Variants in AKAP12 observed in about 807,000 individuals in gnomAD.
The protein encoded by AKAP12 is A-kinase anchoring protein 12.
A neutral mutation model predicts 79.9 loss-of-function variants in AKAP12; 32 were observed. The ratio of observed to expected loss-of-function variants is 0.40; its 90% CI spans 0.30 to 0.54. AKAP12 has a LOEUF of 0.54. Ranked by LOEUF, AKAP12 falls within the 20% of genes least tolerant of loss-of-function variation. The pLI is 0.48. For synonymous variants in AKAP12, 808 were observed against 857.0 expected (o/e 0.94, Z 1.00); for missense variants, 2,074 against 2,177.0 (o/e 0.95, Z 0.94).
chr6:151,263,194 C>A (rs192840916), intron 2 of AKAP12, among the ~76,000 whole-genome samples: 2 of 152,258 alleles, frequency 1.3e-5, no homozygotes, highest in African/African-American at 4.8e-5. Context: ...TACCACCATG[C>A]CTGGCTAATT....
chr6:151,240,859 G>A, intron 2 of AKAP12, 135 bp downstream of exon 2: 1 of 868,868 alleles, frequency 1.2e-6, no homozygotes, highest in Non-Finnish European at 1.5e-6. Flanking sequence ...TCAGGAGTGC[G>A]AACCCCTCTT....
intron 2 of AKAP12, among the ~76,000 whole-genome samples, chr6:151,292,905 T>C (rs1555104): frequency 0.95 from 144,940 of 152,340 alleles, 68,965 homozygotes; most frequent in East Asian, 1. Flanking sequence ...GACAGTTGTG[T>C]AGTGTTTAGC....
chr6:151,284,936 AATG>A (rs1029706942), intron 2 of AKAP12, among the ~76,000 whole-genome samples: 2 of 152,206 alleles, frequency 1.3e-5, no homozygotes, highest in African/African-American at 4.8e-5. Flanking sequence ...GCTTTTGCAA[AATG>A]ATGAACATTC....
At chr6:151,307,861 T>A (rs1451420009) in intron 3 of AKAP12, among the ~76,000 whole-genome samples, 1 of 152,110 alleles carries the variant, frequency 6.6e-6, no homozygotes, top group Non-Finnish European at 1.5e-5. Context: ...GTGGTGATTT[T>A]TATTTTTTAT....
intron 3 of AKAP12, among the ~76,000 whole-genome samples, chr6:151,327,567 C>T (rs958347425): frequency 6.6e-6 from 1 of 152,064 alleles, no homozygotes; most frequent in African/African-American, 2.4e-5. Context: ...ATTATATTCA[C>T]TATTCAATTA....
At chr6:151,340,166 C>T (rs1201737416) in intron 3 of AKAP12, among the ~76,000 whole-genome samples, 2 of 151,556 alleles carry the variant, frequency 1.3e-5, no homozygotes, top group Non-Finnish European at 2.9e-5. Context: ...AACTCATGAT[C>T]TCATGATCCA....
At chr6:151,270,758 T>A (rs891252440) in intron 2 of AKAP12, among the ~76,000 whole-genome samples, 1 of 152,182 alleles carries the variant, frequency 6.6e-6, no homozygotes, top group Non-Finnish European at 1.5e-5. Flanking sequence ...GGTTTTGATG[T>A]GCATTTCCCT....
chr6:151,241,033 T>C (rs1373649833), intron 2 of AKAP12, among the ~76,000 whole-genome samples: 1 of 152,092 alleles, frequency 6.6e-6, no homozygotes, highest in East Asian at 1.9e-4. Context: ...CTGCGCACTC[T>C]TCCGGTGGGA....
intron 3 of AKAP12, among the ~76,000 whole-genome samples, chr6:151,317,243 A>T (rs892825091): frequency 1.3e-5 from 2 of 152,164 alleles, no homozygotes; most frequent in Admixed American, 1.3e-4. Context: ...TTTTCTCCAT[A>T]AAAGGAAGCC....
intron 2 of AKAP12, among the ~76,000 whole-genome samples, chr6:151,283,402 C>A (rs1776443835): frequency 6.6e-6 from 1 of 152,158 alleles, no homozygotes; most frequent in Admixed American, 6.5e-5. Flanking sequence ...AACGAGGATG[C>A]TAATTCTTTG....
chr6:151,258,774 G>A (rs1405969366), intron 2 of AKAP12, among the ~76,000 whole-genome samples: 1 of 151,422 alleles, frequency 6.6e-6, no homozygotes, highest in East Asian at 2.0e-4. Context: ...GCTTACAGGT[G>A]TGTGCTGCTA....
intron 2 of AKAP12, among the ~76,000 whole-genome samples, chr6:151,256,769 C>T (rs974775178): frequency 2.3e-4 from 35 of 151,878 alleles, no homozygotes; most frequent in Non-Finnish European, 4.0e-4. Flanking sequence ...CCTGCCTCAT[C>T]CTTTCAAGTA....
chr6:151,312,875 G>A (rs1184071084), intron 3 of AKAP12, among the ~76,000 whole-genome samples: 1 of 152,022 alleles, frequency 6.6e-6, no homozygotes, highest in Non-Finnish European at 1.5e-5. Flanking sequence ...CAGGAGATGG[G>A]GTGAGGGGGG....
chr6:151,344,158 G>A (rs1204127242), intron 3 of AKAP12, among the ~76,000 whole-genome samples: 1 of 152,116 alleles, frequency 6.6e-6, no homozygotes. Flanking sequence ...TGAGATTCTT[G>A]GGTTTTTCTT....
At chr6:151,290,193 TC>T (rs777268091) in intron 2 of AKAP12, among the ~76,000 whole-genome samples, 1 of 152,154 alleles carries the variant, frequency 6.6e-6, no homozygotes, top group Non-Finnish European at 1.5e-5. Flanking sequence ...GAATTCCTTC[TC>T]CACTGAATTC....
At chr6:151,299,074 T>G (rs573538113) in intron 2 of AKAP12, 1 of 152,336 alleles carries the variant, frequency 6.6e-6, no homozygotes, top group East Asian at 1.9e-4. Context: ...GGGTACATAA[T>G]GCATAGGATA....
intron 2 of AKAP12, among the ~76,000 whole-genome samples, chr6:151,264,119 TAAAAG>T (rs1562712425): frequency 6.6e-6 from 1 of 151,842 alleles, no homozygotes; most frequent in Non-Finnish European, 1.5e-5. Context: ...AGGGATTGAA[TAAAAG>T]AAAGGAAGAG....
At chr6:151,255,969 T>A (rs1420336288) in intron 2 of AKAP12, among the ~76,000 whole-genome samples, 1 of 103,552 alleles carries the variant, frequency 9.7e-6, no homozygotes, top group East Asian at 2.8e-4. Context: ...CAGCCATTTG[T>A]GGACTTAAAC....
In AKAP12 at chr6:151,351,751, T is replaced by A; in HGVS notation, c.3360T>A (p.Phe1120Leu). ...KVVGQTTPES[F>L]EKAPQVTESI... ...TGGGGCAGACCACCCCAGAAAGCTT[T>A]GAAAAAGCTCCTCAAGTCACAGAGA... Residue 1120 changes from phenylalanine (F) to leucine (L), a missense_variant, in exon 4 of 5, where the codon TTT becomes TTA. Transcript: ENST00000402676. This position sits in a 1 kb window ranked among gnomAD's most constrained non-coding sequence, Gnocchi z 4.4. 1 of 1,614,074 alleles carries A rather than the reference T, an allele frequency of 6.2e-7. No individual in the cohort carries two copies. Among genetic ancestry groups the A allele is most frequent in the Non-Finnish European group, 8.5e-7 (1 of 1,180,016 alleles).
Sources: gnomAD v4.1 joint callset for allele counts (sites outside exome capture counted in the v4.1 genomes callset) on GRCh38, gnomAD v4.1.1 for gene constraint, Gnocchi (gnomAD v3.1) non-coding constraint, MANE v1.5 for transcripts, NCBI Gene and HGNC (gene_info 2026-07-23, HGNC 2026-07-21) for gene names.